MYL5: variants seen among roughly 807,000 people sequenced by gnomAD.
MYL5 encodes myosin regulatory light chain 5.
In MYL5, 28 loss-of-function variants were observed where a neutral mutation model predicts 20.8. That is an observed-to-expected ratio of 1.35 (90% CI 1.00 to 1.84). The LOEUF (loss-of-function observed/expected upper bound fraction) is 1.84, where lower values mean the gene tolerates loss of function less well. Among genes scored for constraint, MYL5 ranks in the 40% most tolerant of loss-of-function variants. MYL5 has a pLI of 0.00. For synonymous variants in MYL5, 118 were observed against 87.4 expected (o/e 1.35, Z -1.95); for missense variants, 274 against 227.3 (o/e 1.21, Z -1.32).
chr4:679,950 T>C (rs1234287115), exon 4 of MYL5: 1 of 1,613,708 alleles, frequency 6.2e-7, no homozygotes, highest in Non-Finnish European at 8.5e-7. Flanking sequence ...CTGGACGCCA[T>C]GCTCAAAGAG....
chr4:678,244 G>A (rs978291496), intron 1 of MYL5: 17 of 1,477,754 alleles, frequency 1.2e-5, no homozygotes, highest in East Asian at 7.5e-5. Context: ...TGGGAAGTAC[G>A]TGCCTCACGT....
In MYL5 at chr4:678,044, G is replaced by C; in HGVS notation, c.3+15G>C. Reference sequence around the variant, plus strand: ...AAGCAGGCATGGTGAGCAGGCCGCCGTGCATGCCTGGGGCAGGCGTGTGGG... The same window carrying C: ...AAGCAGGCATGGTGAGCAGGCCGCCCTGCATGCCTGGGGCAGGCGTGTGGG... On this transcript the variant is annotated intron_variant, in intron 1 of 6. Coordinates refer to ENST00000400159, the Ensembl canonical transcript of MYL5. 6.2e-7 allele frequency: 1 copy of C among 1,613,180 alleles called. No individual in the cohort carries two copies. Among genetic ancestry groups the C allele is most frequent in the Non-Finnish European group, 8.5e-7 (1 of 1,179,884 alleles).
intron 5 of MYL5, 21 bp from the exon 8 acceptor site, chr4:681,071 G>T (rs780896531): frequency 7.6e-6 from 12 of 1,588,238 alleles, no homozygotes; most frequent in South Asian, 1.1e-5. Flanking sequence ...AGCCCGCGCT[G>T]ACCCCTTTCC....
intron 4 of MYL5, 99 bp downstream of exon 6, chr4:680,117 G>A: frequency 8.5e-7 from 1 of 1,175,110 alleles, no homozygotes; most frequent in Non-Finnish European, 1.2e-6. Flanking sequence ...AATCTCTGGA[G>A]AAGCCCTAGG....
At chr4:681,139 A>G (rs3208631) in exon 6 of MYL5, 2 of 1,605,366 alleles carry the variant, frequency 1.2e-6, no homozygotes, top group East Asian at 4.5e-5. Flanking sequence ...ACGGCGGAAG[A>G]GGTCTGGCCC....
upstream of MYL5, chr4:674,604 C>T (rs1289634672): frequency 2.7e-6 from 1 of 364,678 alleles, no homozygotes; most frequent in Non-Finnish European, 5.0e-6. Flanking sequence ...CCGCCGTCCG[C>T]GTCCTGGCCG....
At chr4:679,136 GCGC>G (rs1478625226) in intron 3 of MYL5, 103 bp downstream of exon 5, 1 of 873,860 alleles carries the variant, frequency 1.1e-6, no homozygotes, top group Non-Finnish European at 1.6e-6. Context: ...GCCAGGGCCC[GCGC>G]CTCAGAGGCC....
chr4:681,168 C>G (rs752629765), intron 6 of MYL5, 28 bp downstream of exon 8: 1 of 1,595,694 alleles, frequency 6.3e-7, no homozygotes, highest in African/African-American at 1.3e-5. Context: ...CCTGCCAAGC[C>G]CACGAGGGGA....
rs1739120335 is a variant in MYL5 at position 678,774 on chromosome 4, T to C, written c.111+9T>C. On this transcript the variant is annotated intron_variant, in intron 2 of 6. Coordinates refer to ENST00000400159, the Ensembl canonical transcript of MYL5. ...TCCAGGAGTTCAAGGAGGTGAGACT[T>C]TCCTGCTTCACTGGGAGCCCCCACC... 1 of 1,608,822 alleles carries C rather than the reference T, an allele frequency of 6.2e-7. No homozygotes were observed. The highest frequency in any genetic ancestry group is 8.5e-7 in the Non-Finnish European group (1 of 1,177,798).
chr4:679,967 G>A, exon 4 of MYL5: 2 of 1,613,690 alleles, frequency 1.2e-6, no homozygotes, highest in South Asian at 2.2e-5. Context: ...AGAGGCCTCG[G>A]GGCCCATCAA....
intron 4 of MYL5, among the ~76,000 whole-genome samples, 196 bp from the exon 7 acceptor site, chr4:680,313 C>A (rs375434020): frequency 6.6e-6 from 1 of 152,168 alleles, no homozygotes. Context: ...ACTCACTACA[C>A]CCCAGGGCAG....
Position 681,827 on chromosome 4 carries a change from G to A in MYL5, c.421-66G>A, listed in dbSNP as rs377467494. ...CGGCGCAGAAACCACACCCGGGGCC[G>A]CTGCAGGTGCGCGCTTGTAATTCGC... On this transcript the variant is annotated intron_variant, in intron 6 of 6. Transcript: ENST00000400159. 9 of 1,273,920 alleles carry A rather than the reference G, an allele frequency of 7.1e-6. No homozygotes were observed. The South Asian group carries it at 3.2e-4, about 46-fold the overall frequency. 78.9% of individuals were successfully genotyped at this position (1,273,920 alleles called of 1,614,324 possible). A position where few individuals can be genotyped will look rare whatever the true frequency, so the allele number is the denominator to read the frequency against.
At position 678,785 on chromosome 4, in the gene MYL5, C is replaced by G. The variant is rs182080763; in HGVS notation, c.111+20C>G. ...AAGGAGGTGAGACTTTCCTGCTTCACTGGGAGCCCCCACCCCCAGGAGCCT... is the reference window on the plus strand; with the variant it reads ...AAGGAGGTGAGACTTTCCTGCTTCAGTGGGAGCCCCCACCCCCAGGAGCCT... On this transcript the variant is annotated intron_variant, in intron 2 of 6. Transcript: ENST00000400159. 6.2e-7 allele frequency: 1 copy of G among 1,607,870 alleles called. No individual in the cohort carries two copies. Among genetic ancestry groups the G allele is most frequent in the Admixed American group, 1.7e-5 (1 of 58,580 alleles).
In MYL5 at chr4:679,957, AG is replaced by A. The variant is rs1560154439; in HGVS notation, c.232del (p.Glu78ArgfsTer12). 1 of 1,613,782 alleles carries A rather than the reference AG, an allele frequency of 6.2e-7. No homozygotes were observed. The highest frequency in any genetic ancestry group is 1.1e-5 in the South Asian group (1 of 91,082). ...ACGACGAGCTGGACGCCATGCTCAA[AG>A]AGGCCTCGGGGCCCATCAACTTCAC... On this transcript the variant is annotated frameshift_variant, in exon 4 of 7. Coordinates refer to ENST00000400159, the Ensembl canonical transcript of MYL5. LOFTEE classifies it high-confidence loss of function.
intron 4 of MYL5, 133 bp from the exon 7 acceptor site, chr4:680,376 A>G: frequency 1.0e-6 from 1 of 959,904 alleles, no homozygotes; most frequent in South Asian, 1.4e-5. Context: ...GCCTTCAGGC[A>G]GAGGCCACCT....
chr4:681,932 G>A (rs1011757294), exon 7 of MYL5: 4 of 1,328,004 alleles, frequency 3.0e-6, no homozygotes, highest in Non-Finnish European at 3.9e-6. Context: ...CGATGTGGCG[G>A]GCAACCTGGA....
intron 6 of MYL5, 135 bp from the exon 9 acceptor site, chr4:681,758 C>T (rs1020685630): frequency 3.5e-6 from 4 of 1,148,352 alleles, no homozygotes; most frequent in South Asian, 4.5e-5. Context: ...CCCTCCAGCG[C>T]CGCCCTCACC....
At chr4:678,172 G>A in intron 1 of MYL5, 143 bp downstream of exon 3, 1 of 1,539,594 alleles carries the variant, frequency 6.5e-7, no homozygotes, top group Non-Finnish European at 8.8e-7. Flanking sequence ...CTGCATATGT[G>A]TGTGCATGAG....
chr4:675,590 C>G (rs1357801431), upstream of MYL5: 1 of 152,606 alleles, frequency 6.6e-6, no homozygotes, highest in African/African-American at 2.4e-5. Flanking sequence ...GGGCCTGGGC[C>G]TCTCTGGCTG....
Sources: allele counts gnomAD v4.1 joint callset (sites outside exome capture counted in the v4.1 genomes callset), GRCh38; gene constraint gnomAD v4.1.1; transcripts MANE v1.5; gene names NCBI Gene and HGNC (gene_info 2026-07-23, HGNC 2026-07-21).